TAGAP: variants seen among roughly 807,000 people sequenced by gnomAD.
TAGAP encodes the protein T cell activation RhoGTPase activating protein.
A neutral mutation model predicts 36.0 loss-of-function variants in TAGAP; 16 were observed. The observed-to-expected ratio is 0.44, with a 90% CI of 0.30 to 0.68. The LOEUF is 0.68. Ranked by LOEUF, TAGAP falls within the 30% of genes least tolerant of loss-of-function variation. The probability of loss-of-function intolerance (pLI) is 0.09; values close to 1 mark genes in which losing one functional copy is unlikely to be tolerated. For synonymous variants in TAGAP, 372 were observed against 377.4 expected (o/e 0.99, Z 0.17); for missense variants, 794 against 921.5 (o/e 0.86, Z 1.79).
Position 159,035,942 on chromosome 6 carries a change from A to C in TAGAP, c.2081T>G (p.Leu694Arg). 6.2e-7 allele frequency: 1 copy of C among 1,614,148 alleles called. No individual in the cohort carries two copies. Among genetic ancestry groups the C allele is most frequent in the East Asian group, 2.2e-5 (1 of 44,874 alleles). ...CTGCACGGACTCGGAGACGGTCCTC[A>C]GCGGGAGGAGCTCAGGTCTCCCTGG... The part of the protein sequence containing the change: ...SGPGRPELLP[L>R]RTVSESVQRN... Residue 694 changes from leucine to arginine, a missense_variant, in exon 10 of 10, where the codon CTG becomes CGG. Coordinates refer to ENST00000367066, the MANE Select transcript of TAGAP (RefSeq NM_054114.5).
At position 159,041,227 on chromosome 6, in the gene TAGAP, G is replaced by T; in HGVS notation, c.477+127C>A. On this transcript the variant is annotated intron_variant, in intron 6 of 9. Transcript: ENST00000367066. This position sits in a 1 kb window ranked among gnomAD's most constrained non-coding sequence, Gnocchi z 4.1. ...TAAATAAATAAATAAAGGGCTTAAT[G>T]AAAAAAATTAAACTCCAAGATCAGT... is the stretch of plus-strand genomic sequence containing the variant. 1 of 1,198,126 alleles carries T rather than the reference G, an allele frequency of 8.3e-7. No homozygotes were observed. Among genetic ancestry groups the T allele is most frequent in the Non-Finnish European group, 1.2e-6 (1 of 857,098 alleles). 74.2% of individuals were successfully genotyped at this position (1,198,126 alleles called of 1,614,324 possible). A position where few individuals can be genotyped will look rare whatever the true frequency, so the allele number is the denominator to read the frequency against.
chr6:159,038,968 AACTATGACAAAAGCATT>A, intron 8 of TAGAP, 129 bp downstream of exon 8: 1 of 1,498,370 alleles, frequency 6.7e-7, no homozygotes, highest in Non-Finnish European at 8.9e-7. Flanking sequence ...GAGAGAGTGG[AACTATGACAAAAGCATT>A]TTGCATTTTA....
Position 159,036,038 on chromosome 6 carries a change from G to C in TAGAP, c.1985C>G (p.Pro662Arg). The C allele has an allele frequency of 1.2e-6, 2 of 1,611,960 alleles. No homozygotes were observed. The highest frequency in any genetic ancestry group is 1.7e-6 in the Non-Finnish European group (2 of 1,178,224). The change falls in exon 10 of 10, where the codon CCC becomes CGC. Residue 662 changes from proline to arginine, a missense_variant. Coordinates refer to ENST00000367066, the MANE Select transcript of TAGAP (RefSeq NM_054114.5). The surrounding 1 kb of genome is among the most constrained non-coding windows in gnomAD (Gnocchi z 4.9). ...KEPLPGHGLS[P>R]LPERWKQSRT... ...GCTCTGTTTCCATCGCTCAGGCAGG[G>C]GAGAGAGTCCGTGGCCAGGGAGTGG...
chr6:159,036,903 T>TATCG lies in TAGAP; in HGVS notation c.1116_1119dup (p.Arg375Ter). ...GGCATGCTGGGCTCTGAGTATCTCCTATCGGGCTGTGCGAGGGAGCTTTTC... is the reference window on the plus strand; with the variant it reads ...GGCATGCTGGGCTCTGAGTATCTCCTATCGATCGGGCTGTGCGAGGGAGCTTTTC... On this transcript the variant is annotated frameshift_variant, in exon 10 of 10. Transcript: ENST00000367066. LOFTEE classifies it low-confidence loss of function (END_TRUNC). The surrounding 1 kb of genome is among the most constrained non-coding windows in gnomAD (Gnocchi z 4.9). 6.2e-7 allele frequency: 1 copy of TATCG among 1,614,204 alleles called. No homozygotes were observed. Among genetic ancestry groups the TATCG allele is most frequent in the Non-Finnish European group, 8.5e-7 (1 of 1,180,020 alleles).
Position 159,036,499 on chromosome 6 carries a change from G to A in TAGAP, c.1524C>T (p.Ser508=), listed in dbSNP as rs1779541065. 6.2e-7 allele frequency: 1 copy of A among 1,614,166 alleles called. No homozygotes were observed. Among genetic ancestry groups the A allele is most frequent in the Non-Finnish European group, 8.5e-7 (1 of 1,180,032 alleles). ...GKPSREIKKH[S]MSFTFAPHKK... is the part of the protein sequence containing the mutation. ...TGTGAGGGGCAAAGGTGAAAGACATGGAGTGCTTTTTAATTTCTCGGCTGG... is the reference window on the plus strand; with the variant it reads ...TGTGAGGGGCAAAGGTGAAAGACATAGAGTGCTTTTTAATTTCTCGGCTGG... The change falls in exon 10 of 10, where the codon TCC becomes TCT. Residue 508 remains serine, a synonymous_variant. Coordinates refer to ENST00000367066, the MANE Select transcript of TAGAP (RefSeq NM_054114.5). This position sits in a 1 kb window ranked among gnomAD's most constrained non-coding sequence, Gnocchi z 4.9.
In TAGAP at chr6:159,039,188, T is replaced by C; in HGVS notation, c.709A>G (p.Ile237Val). 1.9e-6 allele frequency: 3 copies of C among 1,614,196 alleles called. No homozygotes were observed. The highest frequency in any genetic ancestry group is 2.5e-6 in the Non-Finnish European group (3 of 1,180,028). ...TCCAGGGTGAGCATGTTGGGTCCAA[T>C]GCAGATGGCCAGATTGCTGGAGTCC... ...RMDSSNLAIC[I>V]GPNMLTLEND... Residue 237 changes from isoleucine (I) to valine (V), a missense_variant, in exon 8 of 10, where the codon ATT becomes GTT. Physicochemically the swap from Ile to Val is conservative, Grantham distance 29. Transcript: ENST00000367066.
chr6:159,042,193 A>G lies in TAGAP; in HGVS notation c.200T>C (p.Leu67Pro). The change falls in exon 5 of 10, where the codon CTC becomes CCC. Residue 67 changes from leucine to proline, a missense_variant. Coordinates refer to ENST00000367066, the MANE Select transcript of TAGAP (RefSeq NM_054114.5). Reference sequence around the variant, plus strand: ...CCCAGAAAAATCTGATGCAGGGGAGAGCCTTCTCATGAGAAAGGGCCAGGA... The same window carrying G: ...CCCAGAAAAATCTGATGCAGGGGAGGGCCTTCTCATGAGAAAGGGCCAGGA... ...VLSWPFLMRR[L>P]SPASDFSGAL... 6.2e-7 allele frequency: 1 copy of G among 1,614,174 alleles called. No homozygotes were observed. The highest frequency in any genetic ancestry group is 8.5e-7 in the Non-Finnish European group (1 of 1,180,034).
chr6:159,042,134 CA>C lies in TAGAP; in HGVS notation c.258del (p.Phe86LeufsTer49). On this transcript the variant is annotated frameshift_variant, in exon 5 of 10. Transcript: ENST00000367066. LOFTEE classifies it high-confidence loss of function. ...ALETDLKASL[F>X]DQPLSIICGD... is the part of the protein sequence containing the mutation. ...CCGCAGATAATTGACAAGGGCTGAT[CA>C]AATAGCGATGCTTTCAAGTCTGTCT... 1.2e-6 allele frequency: 2 copies of C among 1,614,128 alleles called. No individual in the cohort carries two copies. Among genetic ancestry groups the C allele is most frequent in the Non-Finnish European group, 1.7e-6 (2 of 1,180,030 alleles).
chr6:159,043,632 C>A lies in TAGAP; in HGVS notation c.105G>T (p.Leu35=). The A allele has an allele frequency of 1.9e-6, 3 of 1,614,096 alleles. No individual in the cohort carries two copies. The highest frequency in any genetic ancestry group is 2.5e-6 in the Non-Finnish European group (3 of 1,179,976). ...TGTCTTCACTCTCACATGATGCCAA[C>A]AGGGGATGTTCCTTGATATCACCCT... is the stretch of plus-strand genomic sequence containing the variant. ...QSEGDIKEHP[L]LASCESEDSI... The change falls in exon 4 of 10, where the codon CTG becomes CTT. Residue 35 remains leucine, a synonymous_variant. Transcript: ENST00000367066.
In TAGAP at chr6:159,036,968, T is replaced by A; in HGVS notation, c.1055A>T (p.Glu352Val). The A allele has an allele frequency of 6.2e-7, 1 of 1,613,744 alleles. No homozygotes were observed. Among genetic ancestry groups the A allele is most frequent in the Non-Finnish European group, 8.5e-7 (1 of 1,179,876 alleles). Residue 352 changes from glutamate to valine, a missense_variant, in exon 10 of 10, where the codon GAG becomes GTG. Physicochemically the swap from Glu to Val is moderately radical, Grantham distance 121. Transcript: ENST00000367066. The surrounding 1 kb of genome is among the most constrained non-coding windows in gnomAD (Gnocchi z 4.9). ...LDSAGPQDAR[E>V]VSPEPIVSTV... The stretch of plus-strand genomic sequence containing the variant: ...GCTCACAATGGGCTCTGGGCTGACC[T>A]CTCGGGCATCCTGTGGGCCCGCGCT...
Position 159,039,227 on chromosome 6 carries a change from C to G in TAGAP, c.670G>C (p.Glu224Gln). The G allele has an allele frequency of 6.2e-7, 1 of 1,614,168 alleles. No individual in the cohort carries two copies. The highest frequency in any genetic ancestry group is 8.5e-7 in the Non-Finnish European group (1 of 1,180,036). ...TTGCTGGAGTCCATCCTGTTCACCT[C>G]AGAGTTCTTGCTGATGAGGTGCAGC... Reference protein sequence around the residue: ...YVLHLISKNSEVNRMDSSNLA... With the variant: ...YVLHLISKNSQVNRMDSSNLA... The change falls in exon 8 of 10, where the codon GAG becomes CAG. Residue 224 changes from glutamate to glutamine, a missense_variant. Physicochemically the swap from Glu to Gln is conservative, Grantham distance 29 (BLOSUM62 2). Coordinates refer to ENST00000367066, the MANE Select transcript of TAGAP (RefSeq NM_054114.5).
Position 159,034,612 on chromosome 6 carries a change from A to G in TAGAP, c.*1215T>C, listed in dbSNP as rs1056694943. 1.3e-5 allele frequency: 2 copies of G among 152,202 alleles called. No individual in the cohort carries two copies. The highest frequency in any genetic ancestry group is 4.8e-5 in the African/African-American group (2 of 41,460). The allele number at this position is 152,202 out of a possible 1,614,324, so 9.4% of individuals were successfully genotyped here. On this transcript the variant is annotated 3_prime_UTR_variant, in exon 10 of 10. Transcript: ENST00000367066. ...TCTAATACAGTACAAACATTTTACC[A>G]TTATGTTTGCCAATAATTAAGCAAA... is the stretch of plus-strand genomic sequence containing the variant.
At position 159,044,114 on chromosome 6, in the gene TAGAP, A is replaced by T; in HGVS notation, c.27+6T>A. 1 of 1,613,942 alleles carries T rather than the reference A, an allele frequency of 6.2e-7. No homozygotes were observed. Among genetic ancestry groups the T allele is most frequent in the Non-Finnish European group, 8.5e-7 (1 of 1,179,982 alleles). Reference sequence around the variant, plus strand: ...GTGAATGAATGAATGTGAGAGGGGCACTCACAGCATTGTGGCTGCTTCTCA... The same window carrying T: ...GTGAATGAATGAATGTGAGAGGGGCTCTCACAGCATTGTGGCTGCTTCTCA... On this transcript the variant is annotated splice_donor_region_variant and intron_variant, in intron 2 of 9. Coordinates refer to ENST00000367066, the MANE Select transcript of TAGAP (RefSeq NM_054114.5).
chr6:159,044,612 G>T (rs1165363028), intron 1 of TAGAP, among the ~76,000 whole-genome samples: 3 of 150,602 alleles, frequency 2.0e-5, no homozygotes, highest in South Asian at 4.2e-4. Context: ...GCTTTGCATG[G>T]ATTTTCTCAT....
At position 159,041,918 on chromosome 6, in the gene TAGAP, C is replaced by A; in HGVS notation, c.315+160G>T. 1.3e-6 allele frequency: 1 copy of A among 776,812 alleles called. No individual in the cohort carries two copies. Among genetic ancestry groups the A allele is most frequent in the Admixed American group, 2.5e-5 (1 of 39,722 alleles). 48.1% of individuals were successfully genotyped at this position (776,812 alleles called of 1,614,324 possible). A position where few individuals can be genotyped will look rare whatever the true frequency, so the allele number is the denominator to read the frequency against. On this transcript the variant is annotated intron_variant, in intron 5 of 9. Transcript: ENST00000367066. This position sits in a 1 kb window ranked among gnomAD's most constrained non-coding sequence, Gnocchi z 4.1. ...TCTGGAATGGAAGCAGTCAGATATT[C>A]TTCTGACTGCACGCGTATGTGGGAG...
rs539913868 is a variant in TAGAP, at chr6:159,038,203, A to G, written c.809T>C (p.Ile270Thr). 13 of 1,611,592 alleles carry G rather than the reference A, an allele frequency of 8.1e-6. No homozygotes were observed. The highest frequency in any genetic ancestry group is 1.7e-4 in the Middle Eastern group (1 of 6,052). ...NKVKTLVEFL[I>T]DNCFEIFGEN... ...CCCAAATATTTCAAAGCAGTTATCA[A>G]TGAGGAATTCCACCAGTGTCTTCAC... is the stretch of plus-strand genomic sequence containing the variant. The change falls in exon 9 of 10, where the codon ATT (isoleucine) becomes ACT (threonine). Residue 270 changes from isoleucine to threonine, a missense_variant. Transcript: ENST00000367066.
Position 159,036,990 on chromosome 6 carries a change from C to G in TAGAP, c.1033G>C (p.Ala345Pro), listed in dbSNP as rs139309613. ...ACCTCTCGGGCATCCTGTGGGCCCG[C>G]GCTATCCAAGCCAGCAGCTGTGGCC... Reference protein sequence around the residue: ...PMATAAGLDSAGPQDAREVSP... With the variant: ...PMATAAGLDSPGPQDAREVSP... The change falls in exon 10 of 10, where the codon GCG (alanine) becomes CCG (proline). Residue 345 changes from alanine (A) to proline (P), a missense_variant. Coordinates refer to ENST00000367066, the MANE Select transcript of TAGAP (RefSeq NM_054114.5). This position sits in a 1 kb window ranked among gnomAD's most constrained non-coding sequence, Gnocchi z 4.9. The G allele has an allele frequency of 7.4e-6, 12 of 1,613,646 alleles. No homozygotes were observed. Among genetic ancestry groups the G allele is most frequent in the Admixed American group, 5.0e-5 (3 of 59,982 alleles).
Position 159,041,130 on chromosome 6 carries a change from G to T in TAGAP, c.477+224C>A. 1.6e-6 allele frequency: 1 copy of T among 641,504 alleles called. No homozygotes were observed. Among genetic ancestry groups the T allele is most frequent in the Non-Finnish European group, 2.6e-6 (1 of 382,442 alleles). The allele number at this position is 641,504 out of a possible 1,614,324, so 39.7% of individuals were successfully genotyped here. A position where few individuals can be genotyped will look rare whatever the true frequency, so the allele number is the denominator to read the frequency against. On this transcript the variant is annotated intron_variant, in intron 6 of 9. Transcript: ENST00000367066. The surrounding 1 kb of genome is among the most constrained non-coding windows in gnomAD (Gnocchi z 4.1). ...CGGAACAATCAAATTGCCCGTACTT[G>T]GCAAAGTTTTGGGAGAGCAGAATGC...
rs781143979 is a variant in TAGAP, at chr6:159,042,067, T to C, written c.315+11A>G. 3.7e-6 allele frequency: 6 copies of C among 1,605,082 alleles called. No individual in the cohort carries two copies. The Admixed American group carries it at 1.0e-4, about 28-fold the overall frequency. Reference sequence around the variant, plus strand: ...AAACTGAAGTAGGTTTATGAGAGAATGCACGCCTACCTGGATGGGTCTGGG... The same window carrying C: ...AAACTGAAGTAGGTTTATGAGAGAACGCACGCCTACCTGGATGGGTCTGGG... On this transcript the variant is annotated intron_variant, in intron 5 of 9. Coordinates refer to ENST00000367066, the MANE Select transcript of TAGAP (RefSeq NM_054114.5).
Sources: gnomAD v4.1 joint callset for allele counts (sites outside exome capture counted in the v4.1 genomes callset) on GRCh38, gnomAD v4.1.1 for gene constraint, Gnocchi (gnomAD v3.1) non-coding constraint, MANE v1.5 for transcripts, NCBI Gene and HGNC (gene_info 2026-07-23, HGNC 2026-07-21) for gene names.